Variants in AGBL1 observed in about 807,000 individuals in gnomAD.
The protein encoded by AGBL1 is AGBL carboxypeptidase 1, also known as cytosolic carboxypeptidase 4.
In AGBL1, 130 loss-of-function variants were observed where a neutral mutation model predicts 118.9. The observed-to-expected ratio is 1.09, with a 90% CI of 0.95 to 1.26. AGBL1 has a LOEUF of 1.26. AGBL1 is among the 50% of genes most tolerant of loss of function. The pLI is 0.00. For synonymous variants in AGBL1, 555 were observed against 478.9 expected (o/e 1.16, Z -2.08); for missense variants, 1,584 against 1,298.1 (o/e 1.22, Z -3.38).
intron 18 of AGBL1, among the ~76,000 whole-genome samples, chr15:86,450,233 G>T (rs16977267): frequency 0.04 from 6,162 of 152,274 alleles, 184 homozygotes; most frequent in East Asian, 0.084. Context: ...AGGCAGTAAT[G>T]CTTATCCTTG....
At chr15:87,012,225 A>G (rs2081567883) in intron 24 of AGBL1, among the ~76,000 whole-genome samples, 2 of 147,542 alleles carry the variant, frequency 1.4e-5, no homozygotes, top group Admixed American at 1.3e-4. Flanking sequence ...ACACACACAC[A>G]CACGCTTGCA....
intron 18 of AGBL1, among the ~76,000 whole-genome samples, chr15:86,468,229 C>T (rs768607985): frequency 8.5e-5 from 13 of 152,160 alleles, no homozygotes; most frequent in African/African-American, 2.7e-4. Context: ...GACAGGCATT[C>T]AAGTCCTTAG....
intron 3 of AGBL1, among the ~76,000 whole-genome samples, chr15:86,149,837 C>A (rs936042128): frequency 2.0e-5 from 3 of 152,192 alleles, no homozygotes; most frequent in African/African-American, 7.2e-5. Flanking sequence ...CTTCTCAGCA[C>A]CACATCACAT....
intron 18 of AGBL1, among the ~76,000 whole-genome samples, chr15:86,429,858 A>C (rs1215107917): frequency 2.6e-5 from 4 of 152,240 alleles, no homozygotes; most frequent in Non-Finnish European, 4.4e-5. Flanking sequence ...GAAACAAATA[A>C]CAACAATGCA....
chr15:86,959,583 T>C (rs954476013), intron 23 of AGBL1, among the ~76,000 whole-genome samples: 1 of 152,124 alleles, frequency 6.6e-6, no homozygotes, highest in African/African-American at 2.4e-5. Flanking sequence ...TGATTTGTTA[T>C]TTGTCAGGAG....
chr15:86,953,016 T>C (rs2080895182), intron 23 of AGBL1, among the ~76,000 whole-genome samples: 1 of 152,206 alleles, frequency 6.6e-6, no homozygotes, highest in South Asian at 2.1e-4. Context: ...TGTTCTTTTC[T>C]GTTCCATTGG....
At chr15:86,292,022 C>A (rs1806872224) in intron 16 of AGBL1, among the ~76,000 whole-genome samples, 1 of 152,154 alleles carries the variant, frequency 6.6e-6, no homozygotes, top group Non-Finnish European at 1.5e-5. Context: ...ATCACAAGAA[C>A]AACCTGTTTC....
At chr15:86,721,088 C>T (rs1026587437) in intron 22 of AGBL1, among the ~76,000 whole-genome samples, 2 of 152,142 alleles carry the variant, frequency 1.3e-5, no homozygotes, top group South Asian at 2.1e-4. Context: ...GAGCTGGTAC[C>T]ATTCCTTCTG....
At chr15:86,743,792 G>A (rs1301097523) in intron 22 of AGBL1, among the ~76,000 whole-genome samples, 6 of 151,992 alleles carry the variant, frequency 3.9e-5, no homozygotes, top group Non-Finnish European at 7.4e-5. Context: ...TGGAAATGTT[G>A]ACTGCCCTAG....
chr15:86,942,168 T>G (rs2080761504), intron 23 of AGBL1, among the ~76,000 whole-genome samples: 1 of 152,184 alleles, frequency 6.6e-6, no homozygotes, highest in South Asian at 2.1e-4. Flanking sequence ...AAACATTCAG[T>G]ACACAGTGGT....
chr15:86,159,136 C>T (rs950255274), intron 5 of AGBL1, 110 bp downstream of exon 5: 1 of 993,250 alleles, frequency 1.0e-6, no homozygotes, highest in Non-Finnish European at 1.6e-6. Context: ...GGTCATTTCT[C>T]CTTTGGAAAT....
At chr15:86,245,663 G>T (rs12443173) in intron 6 of AGBL1, among the ~76,000 whole-genome samples, 1 of 151,978 alleles carries the variant, frequency 6.6e-6, no homozygotes, top group Non-Finnish European at 1.5e-5. Context: ...TTTTATGGGC[G>T]GTCCCAAACA....
chr15:86,832,842 A>G (rs572656698), intron 22 of AGBL1, among the ~76,000 whole-genome samples: 12 of 152,160 alleles, frequency 7.9e-5, no homozygotes, highest in African/African-American at 7.2e-5. Context: ...ACCTCACTCT[A>G]CTGGTACCAA....
rs561713374 is a variant in AGBL1 at position 86,274,337 on chromosome 15, G to A, written c.2075+2631G>A. Among the ~76,000 whole-genome samples the A allele has an allele frequency of 3.3e-5, 5 of 152,000 alleles. No homozygotes were observed. The East Asian group carries it at 7.7e-4, about 24-fold the overall frequency. On this transcript the variant is annotated intron_variant, in intron 15 of 22. Transcript: ENST00000614907. ...TATTTTAACAAAAATGAGAATTACC[G>A]AGAAAGACCTAATATTAAGGGTAGG...
At chr15:86,127,227 C>T (rs960069940) in intron 1 of AGBL1, among the ~76,000 whole-genome samples, 9 of 152,204 alleles carry the variant, frequency 5.9e-5, no homozygotes, top group South Asian at 2.1e-4. Context: ...TGTTTTCAAC[C>T]GTGGACATAG....
intron 21 of AGBL1, among the ~76,000 whole-genome samples, chr15:86,666,954 T>C (rs998682835): frequency 1.5e-4 from 23 of 152,214 alleles, no homozygotes; most frequent in Non-Finnish European, 2.9e-4. Flanking sequence ...CTTCTCAGGT[T>C]TACAGAGAAT....
At chr15:86,791,630 G>C (rs1185268108) in intron 22 of AGBL1, among the ~76,000 whole-genome samples, 2 of 151,320 alleles carry the variant, frequency 1.3e-5, no homozygotes, top group Non-Finnish European at 2.9e-5. Flanking sequence ...CAGTTTCTTG[G>C]GTATCTAAAT....
intron 16 of AGBL1, among the ~76,000 whole-genome samples, chr15:86,281,646 C>T (rs1230045590): frequency 2.0e-5 from 3 of 152,060 alleles, no homozygotes; most frequent in Non-Finnish European, 2.9e-5. Flanking sequence ...GAACTGAGAC[C>T]GGAAGTCCCA....
At chr15:86,947,672 G>A (rs560193000) in intron 23 of AGBL1, among the ~76,000 whole-genome samples, 1 of 152,274 alleles carries the variant, frequency 6.6e-6, no homozygotes, top group South Asian at 2.1e-4. Context: ...AAAGATATAG[G>A]CATTGAGTGA....
Sources: gnomAD v4.1 joint callset for allele counts (sites outside exome capture counted in the v4.1 genomes callset) on GRCh38, gnomAD v4.1.1 for gene constraint, MANE v1.5 for transcripts, NCBI Gene and HGNC (gene_info 2026-07-23, HGNC 2026-07-21) for gene names.